Variants in GPC5 observed in about 807,000 individuals in gnomAD.
GPC5 encodes glypican-5.
Under a neutral mutation model 53.9 loss-of-function variants are expected in GPC5, and 47 were observed. That is an observed-to-expected ratio of 0.87 (90% CI 0.69 to 1.11). The LOEUF is 1.11. Among genes scored for constraint, GPC5 ranks in the 50% most tolerant of loss-of-function variants. GPC5 has a pLI of 0.00. For missense variants in GPC5, 748 were observed against 713.1 expected, an observed-to-expected ratio of 1.05 and a Z score of -0.56; for synonymous variants, 286 against 263.3, an observed-to-expected ratio of 1.09 and a Z score of -0.84.
At position 91,571,811 on chromosome 13, in the gene GPC5, A is replaced by G. The variant is rs532663129; in HGVS notation, c.326-121376A>G. Among the ~76,000 whole-genome samples the G allele has an allele frequency of 4.3e-3, 348 of 80,808 alleles. 58 individuals carry two copies. Among genetic ancestry groups the G allele is most frequent in the African/African-American group, 0.022 (332 of 14,864 alleles). The allele number at this position is 80,808 out of a possible 152,430, so 53.0% of individuals were successfully genotyped here. ...TACGTGTGTGTATATATACACACAC[A>G]TACGTGTGTGTATATATACACATAT... On this transcript the variant is annotated intron_variant, in intron 2 of 7. Transcript: ENST00000377067.
At chr13:91,573,097 G>C (rs920667602) in intron 2 of GPC5, among the ~76,000 whole-genome samples, 1 of 152,114 alleles carries the variant, frequency 6.6e-6, no homozygotes, top group African/African-American at 2.4e-5. Flanking sequence ...GGAAGAAATG[G>C]GTGCTGGCAA....
intron 2 of GPC5, among the ~76,000 whole-genome samples, chr13:91,573,477 A>C (rs1441933621): frequency 6.6e-6 from 1 of 152,196 alleles, no homozygotes; most frequent in Non-Finnish European, 1.5e-5. Context: ...AATGAAGCTG[A>C]ATATCTTTAG....
intron 5 of GPC5, among the ~76,000 whole-genome samples, chr13:91,795,529 A>G (rs2038033025): frequency 6.6e-6 from 1 of 152,200 alleles, no homozygotes; most frequent in Non-Finnish European, 1.5e-5. Context: ...GCCAAAGAAA[A>G]ACACTTAACT....
chr13:92,269,738 A>G (rs769853029), intron 7 of GPC5, among the ~76,000 whole-genome samples: 1 of 152,098 alleles, frequency 6.6e-6, no homozygotes, highest in Non-Finnish European at 1.5e-5. Context: ...TCCTAACCCC[A>G]TTACAGCCTC....
intron 7 of GPC5, among the ~76,000 whole-genome samples, chr13:92,306,881 G>C (rs1051320984): frequency 6.6e-6 from 1 of 152,166 alleles, no homozygotes; most frequent in Admixed American, 6.5e-5. Flanking sequence ...AGACCTCCAG[G>C]CTACCCAGGT....
intron 4 of GPC5, among the ~76,000 whole-genome samples, chr13:91,735,879 G>A (rs1222625517): frequency 6.6e-6 from 1 of 151,206 alleles, no homozygotes; most frequent in Non-Finnish European, 1.5e-5. Flanking sequence ...AGCATTAGAA[G>A]CAAACTATCC....
intron 2 of GPC5, among the ~76,000 whole-genome samples, chr13:91,466,078 G>C (rs1363084017): frequency 6.6e-6 from 1 of 152,134 alleles, no homozygotes; most frequent in Non-Finnish European, 1.5e-5. Context: ...AACCCTGAAG[G>C]CCAGGCCACG....
At chr13:91,593,270 A>T (rs7999669) in intron 2 of GPC5, among the ~76,000 whole-genome samples, 1 of 152,044 alleles carries the variant, frequency 6.6e-6, no homozygotes, top group African/African-American at 2.4e-5. Context: ...TCTGCGTGAT[A>T]CCTTCATCCA....
chr13:91,644,384 T>C (rs575869971), intron 2 of GPC5, among the ~76,000 whole-genome samples: 29 of 152,326 alleles, frequency 1.9e-4, no homozygotes, highest in African/African-American at 7.0e-4. Context: ...TCTGACTGGC[T>C]CTAGAATAGT....
At chr13:92,624,210 C>A (rs953197939) in intron 7 of GPC5, among the ~76,000 whole-genome samples, 1 of 151,994 alleles carries the variant, frequency 6.6e-6, no homozygotes, top group African/African-American at 2.4e-5. Flanking sequence ...GCTGAGATAA[C>A]AGGCACGTGC....
At chr13:92,128,156 AG>A (rs2041714635) in intron 6 of GPC5, among the ~76,000 whole-genome samples, 2 of 152,146 alleles carry the variant, frequency 1.3e-5, no homozygotes, top group African/African-American at 4.8e-5. Context: ...CTTTGATAAT[AG>A]ATGCTGGTAT....
chr13:91,595,958 A>G (rs2032980012), intron 2 of GPC5, among the ~76,000 whole-genome samples: 1 of 152,204 alleles, frequency 6.6e-6, no homozygotes, highest in South Asian at 2.1e-4. Context: ...ATTGAAATCT[A>G]TGACTTTAAT....
At chr13:91,863,887 A>G (rs1334119866) in intron 5 of GPC5, among the ~76,000 whole-genome samples, 1 of 152,228 alleles carries the variant, frequency 6.6e-6, no homozygotes. Flanking sequence ...ATTACATAAA[A>G]AGGAAGCTGA....
intron 7 of GPC5, among the ~76,000 whole-genome samples, chr13:92,346,184 G>A (rs2139257252): frequency 6.6e-6 from 1 of 152,246 alleles, no homozygotes; most frequent in East Asian, 1.9e-4. Flanking sequence ...CTGAGTGAGA[G>A]GCAATCCTCA....
chr13:91,541,616 A>G (rs1207996966), intron 2 of GPC5, among the ~76,000 whole-genome samples: 1 of 152,130 alleles, frequency 6.6e-6, no homozygotes, highest in Non-Finnish European at 1.5e-5. Context: ...AAATATTAGA[A>G]TTATGTAGTC....
chr13:91,936,280 T>C (rs2039870232), intron 6 of GPC5, among the ~76,000 whole-genome samples: 1 of 152,008 alleles, frequency 6.6e-6, no homozygotes, highest in South Asian at 2.1e-4. Context: ...CTTGCCTCCT[T>C]TGCCTTAATG....
At chr13:92,264,983 T>A (rs1390534947) in intron 7 of GPC5, among the ~76,000 whole-genome samples, 1 of 150,882 alleles carries the variant, frequency 6.6e-6, no homozygotes, top group Admixed American at 6.7e-5. Context: ...AGCAGAGATT[T>A]GAGGCAGTTT....
intron 2 of GPC5, among the ~76,000 whole-genome samples, chr13:91,510,204 A>T (rs1037226310): frequency 6.6e-6 from 1 of 152,218 alleles, no homozygotes; most frequent in Non-Finnish European, 1.5e-5. Context: ...TACAATAATC[A>T]TAGCTATCAT....
At chr13:92,078,347 T>C (rs1371016929) in intron 6 of GPC5, among the ~76,000 whole-genome samples, 1 of 152,206 alleles carries the variant, frequency 6.6e-6, no homozygotes, top group Non-Finnish European at 1.5e-5. Flanking sequence ...GCGACTCTTA[T>C]TCCTGTCACC....
Sources: allele counts gnomAD v4.1 joint callset (sites outside exome capture counted in the v4.1 genomes callset), GRCh38; gene constraint gnomAD v4.1.1; transcripts MANE v1.5; gene names NCBI Gene and HGNC (gene_info 2026-07-23, HGNC 2026-07-21).